The following IDH3G variants were observed in gnomAD, a reference collection of about 807,000 sequenced individuals.
IDH3G encodes isocitrate dehydrogenase (NAD(+)) 3 non-catalytic subunit gamma, also known as isocitrate dehydrogenase [NAD] subunit gamma, mitochondrial.
IDH3G carries 9 observed loss-of-function variants against 26.9 expected under a neutral mutation model. That is an observed-to-expected ratio of 0.34 (90% CI 0.20 to 0.58). The LOEUF (loss-of-function observed/expected upper bound fraction) is 0.58, where lower values mean the gene tolerates loss of function less well. IDH3G is among the 20% of genes least tolerant of loss of function. IDH3G has a pLI of 0.85. For synonymous variants in IDH3G, 181 were observed against 160.0 expected (o/e 1.13, Z -0.99); for missense variants, 250 against 372.8 (o/e 0.67, Z 2.71).
Position 153,790,863 on chromosome X carries a change from C to G in IDH3G, c.82-12G>C, listed in dbSNP as rs2092107197. On this transcript the variant is annotated splice_polypyrimidine_tract_variant and intron_variant, in intron 1 of 12. Coordinates refer to ENST00000217901, the MANE Select transcript of IDH3G (RefSeq NM_004135.4). Reference sequence around the variant, plus strand: ...TGGGCGCCTAGAACCTGGCAGAGACCAAATGCCAGCGGTTGGTTTGATGTC... The same window carrying G: ...TGGGCGCCTAGAACCTGGCAGAGACGAAATGCCAGCGGTTGGTTTGATGTC... The G allele has an allele frequency of 1.7e-6, 2 of 1,194,152 alleles. No homozygotes were observed. Among genetic ancestry groups the G allele is most frequent in the East Asian group, 6.0e-5 (2 of 33,481 alleles).
chrX:153,788,159 G>A, intron 5 of IDH3G, 24 bp from the exon 6 acceptor site: 1 of 1,204,906 alleles, frequency 8.3e-7, no homozygotes, highest in Non-Finnish European at 1.1e-6. Context: ...CACAGGCTTA[G>A]TGGCACTGCC....
intron 8 of IDH3G, 68 bp from the exon 9 acceptor site, chrX:153,787,221 G>T: frequency 1.1e-6 from 1 of 892,752 alleles, no homozygotes; most frequent in Non-Finnish European, 1.6e-6. Flanking sequence ...GACGGGGCGT[G>T]CAGAGGGCCC....
At chrX:153,792,065 G>A (rs782711775) in intron 1 of IDH3G, among the ~76,000 whole-genome samples, 4 of 112,194 alleles carry the variant, frequency 3.6e-5, no homozygotes, top group African/African-American at 1.3e-4. Context: ...AAGCGGCTTC[G>A]ATGGACCTTC....
intron 1 of IDH3G, chrX:153,791,088 A>C: frequency 2.8e-6 from 1 of 362,480 alleles, no homozygotes; most frequent in Admixed American, 5.2e-5. Context: ...CTCTTCAGAA[A>C]ATTTCTTAAA....
rs782311674 is a variant in IDH3G, at chrX:153,787,157, G to A, written c.675-4C>T. The A allele has an allele frequency of 4.2e-6, 5 of 1,193,122 alleles. No individual in the cohort carries two copies. Among genetic ancestry groups the A allele is most frequent in the Non-Finnish European group, 4.5e-6 (4 of 879,299 alleles). On this transcript the variant is annotated splice_polypyrimidine_tract_variant and splice_region_variant and intron_variant, in intron 8 of 12. Coordinates refer to ENST00000217901, the MANE Select transcript of IDH3G (RefSeq NM_004135.4). ...GAAAAGCCCATCGCCCAGTTTCCTG[G>A]TGGGGGGTTAGGAATAGGACACCAG...
Position 153,786,203 on chromosome X carries a change from G to C in IDH3G, c.1080+9C>G, listed in dbSNP as rs2092087039. 1 of 1,207,501 alleles carries C rather than the reference G, an allele frequency of 8.3e-7. No homozygotes were observed. The highest frequency in any genetic ancestry group is 1.7e-5 in the African/African-American group (1 of 57,361). ...GGGGCAGCAGGGTAGGGTGCGAGGG[G>C]AACCTCACATTCTCATTGTCCATGG... On this transcript the variant is annotated intron_variant, in intron 12 of 12. Coordinates refer to ENST00000217901, the MANE Select transcript of IDH3G (RefSeq NM_004135.4).
rs1442813580 is a variant in IDH3G at position 153,794,352 on chromosome X, T to C, written c.-26A>G. The C allele has an allele frequency of 8.4e-7, 1 of 1,183,526 alleles. No homozygotes were observed. Among genetic ancestry groups the C allele is most frequent in the East Asian group, 3.1e-5 (1 of 32,741 alleles). On this transcript the variant is annotated 5_prime_UTR_variant, in exon 1 of 13. Coordinates refer to ENST00000217901, the MANE Select transcript of IDH3G (RefSeq NM_004135.4). ...GACGGAAAGTGAGAGCCTCCGCACG[T>C]CCCGACACGCAGATACCGCTCTCGC...
intron 1 of IDH3G, 115 bp downstream of exon 1, chrX:153,794,131 T>A: frequency 3.6e-6 from 3 of 831,639 alleles, no homozygotes; most frequent in Non-Finnish European, 4.9e-6. Context: ...GCGAAGCCCT[T>A]TCCCCGCCCC....
intron 1 of IDH3G, chrX:153,791,142 T>G: frequency 6.0e-6 from 2 of 331,574 alleles, no homozygotes; most frequent in Non-Finnish European, 5.3e-6. Context: ...TTCTGATTAT[T>G]TTTTTGGCCA....
At chrX:153,792,303 A>G (rs2148446326) in intron 1 of IDH3G, 1 of 112,570 alleles carries the variant, frequency 8.9e-6, no homozygotes, top group African/African-American at 3.2e-5. Flanking sequence ...ACATCAGAAA[A>G]TGAAAAAAGA....
At chrX:153,787,192 C>T (rs781821711) in intron 8 of IDH3G, 39 bp from the exon 9 acceptor site, 8 of 1,073,725 alleles carry the variant, frequency 7.5e-6, no homozygotes, top group Admixed American at 4.5e-5. Flanking sequence ...GCTTGGCCAT[C>T]GCAACAGTCA....
At chrX:153,793,330 A>C (rs781963022) in intron 1 of IDH3G, among the ~76,000 whole-genome samples, 1 of 112,014 alleles carries the variant, frequency 8.9e-6, no homozygotes, top group South Asian at 3.7e-4. Context: ...CATTAGGCAC[A>C]AGCAGTCTCC....
rs202001051 is a variant in IDH3G, at chrX:153,789,867, G to A, written c.234-43C>T. 324 of 896,788 alleles carry A rather than the reference G, an allele frequency of 3.6e-4. 2 individuals are homozygous for A. The highest frequency in any genetic ancestry group is 2.1e-3 in the African/African-American group (109 of 51,075). 73.9% of individuals were successfully genotyped at this position (896,788 alleles called of 1,213,427 possible). On this transcript the variant is annotated intron_variant, in intron 4 of 12. Transcript: ENST00000217901. ...CAGGGAGGCTGGCCCAGACCCCCCC[G>A]CACCTCCTCCAGGAAGCCTGCCCAG... is the stretch of plus-strand genomic sequence containing the variant.
At chrX:153,789,859 AC>A (rs200839053) in intron 4 of IDH3G, 35 bp from the exon 5 acceptor site, 18 of 900,066 alleles carry the variant, frequency 2.0e-5, no homozygotes, top group Non-Finnish European at 2.5e-5. Flanking sequence ...GCTGGCCCAG[AC>A]CCCCCCGCAC....
At chrX:153,786,998 G>C (rs376081331) in intron 9 of IDH3G, 51 bp from the exon 10 acceptor site, 9 of 1,198,372 alleles carry the variant, frequency 7.5e-6, no homozygotes, top group Admixed American at 4.4e-5. Context: ...AAGCATGGGT[G>C]AGAGAAGCCC....
Position 153,785,920 on chromosome X carries a change from G to A in IDH3G, c.1134C>T (p.Asp378=), listed in dbSNP as rs781912650. Residue 378 remains aspartate (D), a synonymous_variant, in exon 13 of 13, where the codon GAC becomes GAT. Coordinates refer to ENST00000217901, the MANE Select transcript of IDH3G (RefSeq NM_004135.4). ...TGATGACGCGGATGTGGCGGATGAC[G>A]TCCTGGATGGCTTCAGATGTTGTGC... The part of the protein sequence containing the change: ...GQGTTSEAIQ[D]VIRHIRVING... 4.1e-5 allele frequency: 49 copies of A among 1,209,864 alleles called. No individual in the cohort carries two copies. Among genetic ancestry groups the A allele is most frequent in the South Asian group, 3.5e-5 (2 of 56,911 alleles).
In IDH3G at chrX:153,794,283, G is replaced by T; in HGVS notation, c.44C>A (p.Ala15Glu). The T allele has an allele frequency of 8.3e-7, 1 of 1,199,280 alleles. No individual in the cohort carries two copies. The change falls in exon 1 of 13, where the codon GCG (alanine) becomes GAG (glutamate). Residue 15 changes from alanine to glutamate, a missense_variant. Physicochemically the swap from Ala to Glu is moderately radical, Grantham distance 107 (BLOSUM62 -1). Coordinates refer to ENST00000217901, the MANE Select transcript of IDH3G (RefSeq NM_004135.4). The stretch of plus-strand genomic sequence containing the variant: ...GCAGAGAAGGGCTGGCCCGAGCACC[G>T]CCTTCGCGGCGCTGCCGGCGACGGT... ...VATVAGSAAKAVLGPALLCRP... is the reference protein window; with the variant it reads ...VATVAGSAAKEVLGPALLCRP...
At chrX:153,792,445 G>A (rs2092112728) in intron 1 of IDH3G, 1 of 112,348 alleles carries the variant, frequency 8.9e-6, no homozygotes, top group Admixed American at 9.4e-5. Context: ...GGGGACAGGA[G>A]GTGTGTGAGC....
At chrX:153,790,315 G>A (rs782122671) in intron 3 of IDH3G, 23 bp from the exon 4 acceptor site, 1 of 1,160,520 alleles carries the variant, frequency 8.6e-7, no homozygotes, top group South Asian at 1.8e-5. Flanking sequence ...GAGGGTGAAG[G>A]TGGGCCTTCG....
Sources: allele counts gnomAD v4.1 joint callset (sites outside exome capture counted in the v4.1 genomes callset), GRCh38; gene constraint gnomAD v4.1.1; transcripts MANE v1.5; gene names NCBI Gene and HGNC (gene_info 2026-07-23, HGNC 2026-07-21).